The following ATP2B1 variants were observed in gnomAD, a reference collection of about 807,000 sequenced individuals.
The protein encoded by ATP2B1 is plasma membrane calcium-transporting ATPase 1.
Under a neutral mutation model 124.2 loss-of-function variants are expected in ATP2B1, and 14 were observed. The ratio of observed to expected loss-of-function variants is 0.11; its 90% CI spans 0.07 to 0.18. The LOEUF is 0.18. ATP2B1 is among the 10% of genes least tolerant of loss of function. ATP2B1 has a pLI of 1.00. For synonymous variants in ATP2B1, 449 were observed against 492.4 expected (o/e 0.91, Z 1.17); for missense variants, 763 against 1,466.1 (o/e 0.52, Z 7.83).
At chr12:89,636,540 A>C (rs898252321) in intron 3 of ATP2B1, among the ~76,000 whole-genome samples, 1 of 152,096 alleles carries the variant, frequency 6.6e-6, no homozygotes. Flanking sequence ...TCTCAAACAG[A>C]CAAAGCAGGA....
At chr12:89,654,989 A>G (rs1456580662) in intron 2 of ATP2B1, among the ~76,000 whole-genome samples, 2 of 152,170 alleles carry the variant, frequency 1.3e-5, no homozygotes, top group African/African-American at 4.8e-5. Flanking sequence ...ATGAAAGGCA[A>G]TCTTCTGAAA....
intron 1 of ATP2B1, among the ~76,000 whole-genome samples, chr12:89,697,400 G>T (rs1891272603): frequency 6.6e-6 from 1 of 152,104 alleles, no homozygotes; most frequent in African/African-American, 2.4e-5. Flanking sequence ...GGGGACTCTT[G>T]AGTTATCCAT....
chr12:89,607,152 A>G (rs906119900), intron 15 of ATP2B1, among the ~76,000 whole-genome samples: 4 of 152,214 alleles, frequency 2.6e-5, no homozygotes, highest in Non-Finnish European at 5.9e-5. Flanking sequence ...TTACATCATC[A>G]GAAGTAGGCT....
intron 1 of ATP2B1, among the ~76,000 whole-genome samples, chr12:89,658,598 G>GGAGAGAGGGAGAGAGAGAGAGA (rs1886260781): frequency 1.4e-5 from 1 of 69,578 alleles, no homozygotes; most frequent in East Asian, 4.9e-4. Flanking sequence ...AATTCAAACA[G>GGAGAGAGGGAGAGAGAGAGAGA]GAGAGAGAGA....
intron 11 of ATP2B1, among the ~76,000 whole-genome samples, chr12:89,617,443 G>A (rs536432984): frequency 5.9e-5 from 9 of 152,218 alleles, no homozygotes; most frequent in Admixed American, 6.5e-5. Context: ...AAAAAGCCAA[G>A]CGTAGTCAAC....
chr12:89,629,683 GTGAGAAACAAC>G (rs1881540181), intron 6 of ATP2B1, among the ~76,000 whole-genome samples: 2 of 152,202 alleles, frequency 1.3e-5, no homozygotes, highest in Admixed American at 1.3e-4. Flanking sequence ...AAATATTCAT[GTGAGAAACAAC>G]AATATGGGTT....
chr12:89,601,678 T>C (rs1201623956), intron 18 of ATP2B1, among the ~76,000 whole-genome samples: 1 of 152,156 alleles, frequency 6.6e-6, no homozygotes, highest in Non-Finnish European at 1.5e-5. Context: ...CCCAATATTT[T>C]TGATGCATGC....
intron 13 of ATP2B1, 109 bp downstream of exon 13, chr12:89,611,084 T>C (rs1877922087): frequency 3.0e-5 from 30 of 1,011,064 alleles, no homozygotes; most frequent in Non-Finnish European, 3.9e-5. Context: ...CTGCATTTAT[T>C]TCATGCATGG....
chr12:89,692,538 A>C (rs1890671951), intron 1 of ATP2B1, among the ~76,000 whole-genome samples: 1 of 152,204 alleles, frequency 6.6e-6, no homozygotes, highest in Non-Finnish European at 1.5e-5. Flanking sequence ...AGAGAAATGA[A>C]TTAATAATTA....
intron 18 of ATP2B1, 127 bp downstream of exon 18, chr12:89,602,916 A>G (rs1330260022): frequency 2.6e-6 from 2 of 774,362 alleles, no homozygotes; most frequent in Non-Finnish European, 4.2e-6. Context: ...AATCACCATG[A>G]TATTATATAT....
intron 1 of ATP2B1, among the ~76,000 whole-genome samples, chr12:89,696,760 C>T (rs749422408): frequency 1.3e-5 from 2 of 152,088 alleles, no homozygotes; most frequent in Non-Finnish European, 2.9e-5. Flanking sequence ...CTATTCATAG[C>T]CCTTTTCATC....
intron 12 of ATP2B1, among the ~76,000 whole-genome samples, chr12:89,614,379 T>C (rs937532478): frequency 6.6e-6 from 1 of 152,130 alleles, no homozygotes; most frequent in Non-Finnish European, 1.5e-5. Flanking sequence ...AAACAACCTT[T>C]GAATGATTCT....
intron 1 of ATP2B1, among the ~76,000 whole-genome samples, chr12:89,693,307 ACTC>A (rs1206855101): frequency 1.3e-5 from 2 of 152,150 alleles, no homozygotes; most frequent in African/African-American, 4.8e-5. Context: ...CACAGGAAGA[ACTC>A]CTGCTATGAT....
chr12:89,696,368 T>A (rs1891134737), intron 1 of ATP2B1, among the ~76,000 whole-genome samples: 1 of 151,982 alleles, frequency 6.6e-6, no homozygotes, highest in African/African-American at 2.4e-5. Flanking sequence ...GACAAACATA[T>A]GCAAATAAAG....
chr12:89,602,275 A>C (rs754151870), intron 18 of ATP2B1, among the ~76,000 whole-genome samples: 1 of 152,194 alleles, frequency 6.6e-6, no homozygotes, highest in Non-Finnish European at 1.5e-5. Flanking sequence ...TAATTAAAAA[A>C]TAAATAATTT....
intron 15 of ATP2B1, among the ~76,000 whole-genome samples, chr12:89,607,872 G>A (rs998596140): frequency 6.6e-6 from 1 of 152,114 alleles, no homozygotes; most frequent in African/African-American, 2.4e-5. Flanking sequence ...TGATTCTGCG[G>A]ATGCAGAATC....
chr12:89,627,868 T>C (rs988675008), intron 6 of ATP2B1, 152 bp from the exon 7 acceptor site: 1 of 780,098 alleles, frequency 1.3e-6, no homozygotes, highest in African/African-American at 1.7e-5. Context: ...GATGACCTGC[T>C]GGGTCAATCA....
intron 3 of ATP2B1, among the ~76,000 whole-genome samples, chr12:89,635,660 G>A (rs566789733): frequency 9.9e-5 from 15 of 152,124 alleles, no homozygotes; most frequent in East Asian, 7.7e-4. Context: ...GGCTTTCTTC[G>A]CACTCAACCA....
chr12:89,701,114 C>T (rs1018135500), intron 1 of ATP2B1, among the ~76,000 whole-genome samples: 2 of 152,200 alleles, frequency 1.3e-5, no homozygotes, highest in African/African-American at 4.8e-5. Flanking sequence ...TACTCTAATA[C>T]AGACCATATA....
Sources: gnomAD v4.1 joint callset for allele counts (sites outside exome capture counted in the v4.1 genomes callset) on GRCh38, gnomAD v4.1.1 for gene constraint, MANE v1.5 for transcripts, NCBI Gene and HGNC (gene_info 2026-07-23, HGNC 2026-07-21) for gene names.